ACTR3C: variants seen among roughly 807,000 people sequenced by gnomAD.
ACTR3C encodes actin-related protein 3C.
Under a neutral mutation model 26.3 loss-of-function variants are expected in ACTR3C, and 18 were observed. The observed-to-expected ratio is 0.68, with a 90% CI of 0.47 to 1.01. The LOEUF (loss-of-function observed/expected upper bound fraction) is 1.01, where lower values mean the gene tolerates loss of function less well. Among genes scored for constraint, ACTR3C ranks in the 50% least tolerant of loss-of-function variants. The pLI is 0.00. For synonymous variants in ACTR3C, 55 were observed against 94.5 expected, an observed-to-expected ratio of 0.58 and a Z score of 2.42; for missense variants, 184 against 250.7, an observed-to-expected ratio of 0.73 and a Z score of 1.80.
At chr7:150,177,378 T>C in the ACTR3C span, among the ~76,000 whole-genome samples, 2 of 150,782 alleles carry the variant, frequency 1.3e-5, no homozygotes, top group African/African-American at 5.0e-5. Flanking sequence ...TTATATATTG[T>C]CTCTAAGATC....
At chr7:149,892,319 A>G in the ACTR3C span, 1 of 1,603,334 alleles carries the variant, frequency 6.2e-7, no homozygotes, top group African/African-American at 1.3e-5. Flanking sequence ...CTCCTATGAA[A>G]AAGTCAAGGT....
chr7:149,971,989 T>C, the ACTR3C span, among the ~76,000 whole-genome samples: 1 of 152,236 alleles, frequency 6.6e-6, no homozygotes, highest in East Asian at 1.9e-4. Flanking sequence ...CTGCTTTTTC[T>C]TCCTAGGTAT....
chr7:150,300,389 A>G (rs957562025), intron 1 of ACTR3C, among the ~76,000 whole-genome samples: 1 of 152,134 alleles, frequency 6.6e-6, no homozygotes, highest in African/African-American at 2.4e-5. Context: ...AACAAAAACA[A>G]GTGTGTGCTA....
At chr7:149,953,826 A>G in the ACTR3C span, among the ~76,000 whole-genome samples, 1 of 139,908 alleles carries the variant, frequency 7.1e-6, no homozygotes, top group Non-Finnish European at 1.5e-5. Flanking sequence ...ACTTCTCCTC[A>G]GATTTCTAAC....
At chr7:149,915,387 A>G in the ACTR3C span, among the ~76,000 whole-genome samples, 10 of 152,264 alleles carry the variant, frequency 6.6e-5, no homozygotes, top group South Asian at 1.9e-3. Context: ...CCTTAAGAAT[A>G]CACTACATAA....
the ACTR3C span, among the ~76,000 whole-genome samples, chr7:150,078,677 G>C: frequency 1.5e-4 from 23 of 152,206 alleles, no homozygotes; most frequent in Admixed American, 1.4e-3. Context: ...ATATCAACTT[G>C]ACCAGCCAAT....
chr7:150,135,767 GAGAAAGAA>G, the ACTR3C span, among the ~76,000 whole-genome samples: 31 of 142,716 alleles, frequency 2.2e-4, no homozygotes, highest in Middle Eastern at 3.6e-3. Flanking sequence ...TGAACTCTGA[GAGAAAGAA>G]AGAAAGAAAG....
chr7:150,033,866 C>T, the ACTR3C span, among the ~76,000 whole-genome samples: 3 of 150,246 alleles, frequency 2.0e-5, no homozygotes, highest in Non-Finnish European at 3.0e-5. Flanking sequence ...CGATGGGGAT[C>T]CTAAGAGCAA....
intron 1 of ACTR3C, among the ~76,000 whole-genome samples, chr7:150,313,104 A>T (rs189897714): frequency 1.0e-3 from 152 of 152,280 alleles, no homozygotes; most frequent in Non-Finnish European, 1.8e-4. Flanking sequence ...TCTGCTAACA[A>T]TATATAACCA....
At chr7:150,142,423 C>T in the ACTR3C span, among the ~76,000 whole-genome samples, 64 of 152,276 alleles carry the variant, frequency 4.2e-4, 1 homozygote, top group African/African-American at 1.4e-3. Flanking sequence ...CACTTACAAG[C>T]GCACTCCCCC....
At chr7:150,211,881 A>G in the ACTR3C span, among the ~76,000 whole-genome samples, 1 of 147,264 alleles carries the variant, frequency 6.8e-6, no homozygotes, top group South Asian at 2.1e-4. Flanking sequence ...TTTTTGGTTT[A>G]TGAAAAACAA....
At chr7:149,967,603 C>A in the ACTR3C span, among the ~76,000 whole-genome samples, 1 of 152,014 alleles carries the variant, frequency 6.6e-6, no homozygotes, top group East Asian at 1.9e-4. Context: ...TGATATGAAC[C>A]ATTCCTGGCT....
At chr7:150,233,142 G>C in the ACTR3C span, among the ~76,000 whole-genome samples, 3 of 151,940 alleles carry the variant, frequency 2.0e-5, no homozygotes, top group Non-Finnish European at 4.4e-5. Context: ...TTTTCTTACA[G>C]GGAAGGTCTG....
At chr7:150,075,524 AGT>A in the ACTR3C span, among the ~76,000 whole-genome samples, 1 of 152,184 alleles carries the variant, frequency 6.6e-6, no homozygotes, top group Non-Finnish European at 1.5e-5. Context: ...ATTAGCCCAA[AGT>A]GTTAAATACT....
the ACTR3C span, among the ~76,000 whole-genome samples, chr7:150,084,793 G>T: frequency 2.0e-5 from 3 of 152,130 alleles, no homozygotes; most frequent in Non-Finnish European, 4.4e-5. Flanking sequence ...TGTTTTAACA[G>T]GATCCCTGCG....
the ACTR3C span, among the ~76,000 whole-genome samples, chr7:149,906,692 A>G: frequency 7.4e-6 from 1 of 135,810 alleles, no homozygotes; most frequent in African/African-American, 2.8e-5. Flanking sequence ...TTGGCCTCCC[A>G]AAGTGTTAGG....
the ACTR3C span, among the ~76,000 whole-genome samples, chr7:149,964,177 G>A: frequency 1.3e-5 from 2 of 152,328 alleles, no homozygotes; most frequent in East Asian, 1.9e-4. Flanking sequence ...GTGGTTTCAC[G>A]TGTGGCATCT....
chr7:150,020,669 T>G, the ACTR3C span, among the ~76,000 whole-genome samples: 1 of 151,974 alleles, frequency 6.6e-6, no homozygotes, highest in African/African-American at 2.4e-5. Flanking sequence ...GTATTTCAAA[T>G]GGAGTGTGTC....
chr7:150,037,388 T>C, the ACTR3C span, among the ~76,000 whole-genome samples: 17 of 35,450 alleles, frequency 4.8e-4, no homozygotes, highest in Admixed American at 8.8e-4. Context: ...GCCTCCCCCC[T>C]CTGCGATGGG....
Sources: allele counts gnomAD v4.1 joint callset (sites outside exome capture counted in the v4.1 genomes callset), GRCh38; gene constraint gnomAD v4.1.1; transcripts MANE v1.5; gene names NCBI Gene and HGNC (gene_info 2026-07-23, HGNC 2026-07-21).